Variants in ZNF181 observed in about 807,000 individuals in gnomAD.
ZNF181 encodes zinc finger protein 181 (HHZ181).
A neutral mutation model predicts 11.9 loss-of-function variants in ZNF181; 8 were observed. The ratio of observed to expected loss-of-function variants is 0.67; its 90% CI spans 0.39 to 1.21. ZNF181 has a LOEUF of 1.21. Among genes scored for constraint, ZNF181 ranks in the 50% most tolerant of loss-of-function variants. ZNF181 has a pLI of 0.01. For synonymous variants in ZNF181, 202 were observed against 221.1 expected (o/e 0.91, Z 0.77); for missense variants, 542 against 670.9 (o/e 0.81, Z 2.12).
intron 1 of ZNF181, chr19:34,736,148 A>T (rs2068885593): frequency 1.4e-6 from 1 of 703,052 alleles, no homozygotes; most frequent in Non-Finnish European, 2.6e-6. Context: ...AAGATGAGTA[A>T]TGACGAACTG....
At chr19:34,735,637 T>C (rs986238082) in intron 1 of ZNF181, among the ~76,000 whole-genome samples, 1 of 152,230 alleles carries the variant, frequency 6.6e-6, no homozygotes, top group African/African-American at 2.4e-5. Context: ...CATAAATTCC[T>C]GTCATTCCTC....
In ZNF181 at chr19:34,734,276, C is replaced by T. The variant is rs1435323010; in HGVS notation, c.-762C>T. On this transcript the variant is annotated 5_prime_UTR_variant, in exon 1 of 4. Transcript: ENST00000492450. ...CTCAGGCCTGACGGCGACTCCCAGG[C>T]TCCGGGACGATTCTGGGCAGTGTCG... The T allele has an allele frequency of 6.6e-6, 1 of 152,252 alleles. No individual in the cohort carries two copies. Among genetic ancestry groups the T allele is most frequent in the African/African-American group, 2.4e-5 (1 of 41,456 alleles). The allele number at this position is 152,252 out of a possible 1,614,324, so 9.4% of individuals were successfully genotyped here.
In ZNF181 at chr19:34,734,937, T is replaced by G. The variant is rs1226735790; in HGVS notation, c.-101T>G. 1 of 1,297,834 alleles carries G rather than the reference T, an allele frequency of 7.7e-7. No homozygotes were observed. The highest frequency in any genetic ancestry group is 1.4e-5 in the South Asian group (1 of 73,262). The allele number at this position is 1,297,834 out of a possible 1,614,324, so 80.4% of individuals were successfully genotyped here. On this transcript the variant is annotated 5_prime_UTR_variant, in exon 1 of 4. An upstream start codon of the reference 5' UTR is lost. Transcript: ENST00000492450. ...GCCGCAAGATAAGCCTGATTTTTCA[T>G]GACTGCTTTTTCCTGCCCTTCTGTG... is the stretch of plus-strand genomic sequence containing the variant.
chr19:34,735,188 C>A, intron 1 of ZNF181, 142 bp downstream of exon 1: 1 of 868,272 alleles, frequency 1.2e-6, no homozygotes, highest in Non-Finnish European at 1.8e-6. Context: ...AAGGACGGAG[C>A]CCACAGGAGA....
rs931422690 is a variant in ZNF181, at chr19:34,740,858, A to C, written c.477A>C (p.Ile159=). 6.2e-7 allele frequency: 1 copy of C among 1,613,924 alleles called. No individual in the cohort carries two copies. Among genetic ancestry groups the C allele is most frequent in the African/African-American group, 1.3e-5 (1 of 74,922 alleles). The change falls in exon 4 of 4, where the codon ATA becomes ATC. Residue 159 remains isoleucine, a synonymous_variant. Coordinates refer to ENST00000492450, the MANE Select transcript of ZNF181 (RefSeq NM_001029997.4). ...PTADSVYKYN[I]FRSTFHSKST... ...CAGACAGTGTTTACAAATACAATAT[A>C]TTTAGAAGCACCTTTCATTCAAAGT...
At position 34,739,225 on chromosome 19, in the gene ZNF181, C is replaced by T. The variant is rs1277990857; in HGVS notation, c.87C>T (p.Tyr29=). The part of the protein sequence containing the change: ...GWLSSAQRDL[Y]KDVMVQNYEN... ...TCAGTTCTGCTCAGAGGGACTTATA[C>T]AAGGATGTGATGGTCCAGAATTATG... Residue 29 remains tyrosine, a synonymous_variant, in exon 2 of 4, where the codon TAC becomes TAT. Transcript: ENST00000492450. 1 of 1,613,812 alleles carries T rather than the reference C, an allele frequency of 6.2e-7. No homozygotes were observed. Among genetic ancestry groups the T allele is most frequent in the South Asian group, 1.1e-5 (1 of 91,076 alleles).
Position 34,741,583 on chromosome 19 carries a change from T to C in ZNF181, c.1202T>C (p.Met401Thr), listed in dbSNP as rs201950342. 5.5e-5 allele frequency: 88 copies of C among 1,613,970 alleles called. No individual in the cohort carries two copies. In the Middle Eastern group the frequency reaches 9.9e-4, roughly 18 times the overall value. ...ACTCGACATCAAAGAATTCACACTA[T>C]GGAGAAACAATATGAATGCAACAAA... Reference protein sequence around the residue: ...HLTRHQRIHTMEKQYECNKCL... With the variant: ...HLTRHQRIHTTEKQYECNKCL... Residue 401 changes from methionine to threonine, a missense_variant, in exon 4 of 4, where the codon ATG becomes ACG. By Grantham distance (81) the Met-to-Thr change is moderately conservative. Coordinates refer to ENST00000492450, the MANE Select transcript of ZNF181 (RefSeq NM_001029997.4).
chr19:34,738,883 A>G (rs2068926344), intron 1 of ZNF181, among the ~76,000 whole-genome samples: 1 of 152,194 alleles, frequency 6.6e-6, no homozygotes. Context: ...TTTTAGCAAA[A>G]TTAACTCTAC....
Position 34,741,425 on chromosome 19 carries a change from C to T in ZNF181, c.1044C>T (p.Leu348=). Residue 348 remains leucine, a synonymous_variant, in exon 4 of 4, where the codon CTC becomes CTT. Transcript: ENST00000492450. ...EHLRIHTQEK[L]YECRICGKAF... ...TAAGAATTCATACTCAAGAAAAACT[C>T]TATGAGTGTCGTATATGTGGAAAGG... 6.2e-7 allele frequency: 1 copy of T among 1,613,906 alleles called. No homozygotes were observed. Among genetic ancestry groups the T allele is most frequent in the Non-Finnish European group, 8.5e-7 (1 of 1,179,892 alleles).
Position 34,741,546 on chromosome 19 carries a change from A to G in ZNF181, c.1165A>G (p.Ser389Gly). The G allele has an allele frequency of 6.2e-7, 1 of 1,613,996 alleles. No individual in the cohort carries two copies. Among genetic ancestry groups the G allele is most frequent in the Non-Finnish European group, 8.5e-7 (1 of 1,179,952 alleles). The change falls in exon 4 of 4, where the codon AGC becomes GGC. Residue 389 changes from serine (S) to glycine (G), a missense_variant. Coordinates refer to ENST00000492450, the MANE Select transcript of ZNF181 (RefSeq NM_001029997.4). ...CRECGKAFCC[S>G]SHLTRHQRIH... is the part of the protein sequence containing the mutation. The stretch of plus-strand genomic sequence containing the variant: ...AGAATGTGGGAAAGCTTTCTGCTGT[A>G]GCTCACACCTTACTCGACATCAAAG...
At chr19:34,740,520 TA>T in intron 3 of ZNF181, 90 bp from the exon 4 acceptor site, 1 of 1,311,498 alleles carries the variant, frequency 7.6e-7, no homozygotes, top group Non-Finnish European at 1.1e-6. Flanking sequence ...GCTTCATTTC[TA>T]ATCCAGTTCT....
At chr19:34,737,691 C>CA (rs2145416840) in intron 1 of ZNF181, among the ~76,000 whole-genome samples, 1 of 152,146 alleles carries the variant, frequency 6.6e-6, no homozygotes, top group East Asian at 1.9e-4. Context: ...TTTTTGGCAC[C>CA]AGGGATCGGT....
rs1309175052 is a variant in ZNF181, at chr19:34,742,872, A to T, written c.*775A>T. 6.6e-6 allele frequency: 1 copy of T among 152,176 alleles called. No homozygotes were observed. The highest frequency in any genetic ancestry group is 2.4e-5 in the African/African-American group (1 of 41,454). The allele number at this position is 152,176 out of a possible 1,614,324, so 9.4% of individuals were successfully genotyped here. ...AATAAAATCATTTTGTATATCACAA[A>T]CTCTTTCACTGTGACTATTTCCTGT... On this transcript the variant is annotated 3_prime_UTR_variant, in exon 4 of 4. Transcript: ENST00000492450.
chr19:34,740,576 A>G, intron 3 of ZNF181, 35 bp from the exon 4 acceptor site: 1 of 1,518,864 alleles, frequency 6.6e-7, no homozygotes, highest in Non-Finnish European at 8.8e-7. Flanking sequence ...TTAAAAAAAA[A>G]CAAAACAGTG....
Position 34,742,063 on chromosome 19 carries a change from C to T in ZNF181, c.1682C>T (p.Thr561Ile), listed in dbSNP as rs1455995487. 3.2e-6 allele frequency: 5 copies of T among 1,582,436 alleles called. No individual in the cohort carries two copies. Among genetic ancestry groups the T allele is most frequent in the Non-Finnish European group, 4.3e-6 (5 of 1,165,526 alleles). ...CCTTTAGACTATATGAATCACTATA[C>T]ATGTGAGAAATCTTACAGAAGAGAA... The part of the protein sequence containing the change: ...EKPLDYMNHY[T>I]CEKSYRRETV Residue 561 changes from threonine to isoleucine, a missense_variant, in exon 4 of 4, where the codon ACA becomes ATA. Thr to Ile is a moderately conservative substitution (Grantham distance 89). Coordinates refer to ENST00000492450, the MANE Select transcript of ZNF181 (RefSeq NM_001029997.4).
chr19:34,736,858 C>T (rs2068897495), intron 1 of ZNF181, among the ~76,000 whole-genome samples: 1 of 152,212 alleles, frequency 6.6e-6, no homozygotes, highest in Non-Finnish European at 1.5e-5. Flanking sequence ...GATGAGTGAA[C>T]ACCCCAGGCT....
At chr19:34,737,678 A>C (rs1251974669) in intron 1 of ZNF181, among the ~76,000 whole-genome samples, 1 of 152,154 alleles carries the variant, frequency 6.6e-6, no homozygotes. Flanking sequence ...GTGGTGCCCA[A>C]CCTTTTTGGC....
chr19:34,736,090 G>T (rs767361779), intron 1 of ZNF181: 12 of 702,576 alleles, frequency 1.7e-5, no homozygotes, highest in African/African-American at 1.0e-4. Context: ...GTACCCAGAG[G>T]GTTACCTGGC....
rs1254200983 is a variant in ZNF181, at chr19:34,734,378, A to T, written c.-660A>T. 6.6e-6 allele frequency: 1 copy of T among 152,232 alleles called. No homozygotes were observed. Among genetic ancestry groups the T allele is most frequent in the Non-Finnish European group, 1.5e-5 (1 of 68,208 alleles). The allele number at this position is 152,232 out of a possible 1,614,324, so 9.4% of individuals were successfully genotyped here. ...CGGGGACGGTGAGGCCCTGCTGAGG[A>T]CTCCGGCCAGTATGAGTCCCGGGGG... On this transcript the variant is annotated 5_prime_UTR_variant, in exon 1 of 4. Transcript: ENST00000492450.
Sources: allele counts gnomAD v4.1 joint callset (sites outside exome capture counted in the v4.1 genomes callset), GRCh38; gene constraint gnomAD v4.1.1; transcripts MANE v1.5; gene names NCBI Gene and HGNC (gene_info 2026-07-23, HGNC 2026-07-21).